NLRC5: variants seen among roughly 807,000 people sequenced by gnomAD.
The protein encoded by NLRC5 is protein NLRC5.
NLRC5 carries 114 observed loss-of-function variants against 206.9 expected under a neutral mutation model. That is an observed-to-expected ratio of 0.55 (90% confidence interval 0.47 to 0.64). The LOEUF (loss-of-function observed/expected upper bound fraction) is 0.64, where lower values mean the gene tolerates loss of function less well. Ranked by LOEUF, NLRC5 falls within the 30% of genes least tolerant of loss-of-function variation. The probability of loss-of-function intolerance (pLI) is 0.00; values close to 1 mark genes in which losing one functional copy is unlikely to be tolerated. For synonymous variants in NLRC5, 952 were observed against 962.8 expected (o/e 0.99, Z 0.21); for missense variants, 2,008 against 2,305.5 (o/e 0.87, Z 2.64).
Position 57,081,134 on chromosome 16 carries a change from C to T in NLRC5, c.5358C>T (p.Ala1786=), listed in dbSNP as rs199774613. Reference sequence around the variant, plus strand: ...ATCTCCTCGGGGATGAGGCAGCTGCCGAGCTGGCCCAGGTGCTGCCGCAGA... The same window carrying T: ...ATCTCCTCGGGGATGAGGCAGCTGCTGAGCTGGCCCAGGTGCTGCCGCAGA... ...SWNLLGDEAA[A]ELAQVLPQMG... is the part of the protein sequence containing the mutation. The change falls in exon 47 of 49, where the codon GCC becomes GCT. Residue 1786 remains alanine (A), a synonymous_variant. Coordinates refer to ENST00000688547, the MANE Select transcript of NLRC5 (RefSeq NM_001384950.1). 37 of 1,545,818 alleles carry T rather than the reference C, an allele frequency of 2.4e-5. No homozygotes were observed. The highest frequency in any genetic ancestry group is 6.8e-5 in the African/African-American group (5 of 73,184).
intron 1 of NLRC5, among the ~76,000 whole-genome samples, chr16:56,999,694 A>G (rs1480949583): frequency 6.6e-6 from 1 of 152,278 alleles, no homozygotes; most frequent in East Asian, 1.9e-4. Flanking sequence ...GGAAGGGGAT[A>G]AAGCTGAGTG....
intron 36 of NLRC5, 53 bp downstream of exon 36, chr16:57,067,881 A>AC: frequency 7.3e-7 from 1 of 1,373,782 alleles, no homozygotes; most frequent in Non-Finnish European, 1.0e-6. Flanking sequence ...CCCTGCCCTG[A>AC]CACCTCCCGT....
Position 57,025,499 on chromosome 16 carries a change from G to A in NLRC5, c.556G>A (p.Ala186Thr). ...YVPPILRRAT[A>T]SLDTPEGAIM... ...CCCTCCAATCCTGCGCCGGGCCACA[G>A]CATCCTTAGACACTCCGGAGGGGGC... is the stretch of plus-strand genomic sequence containing the variant. Residue 186 changes from alanine (A) to threonine (T), a missense_variant, in exon 6 of 49, where the codon GCA becomes ACA. Ala to Thr is a moderately conservative substitution (Grantham distance 58). Transcript: ENST00000688547. The A allele has an allele frequency of 1.2e-6, 2 of 1,613,510 alleles. No homozygotes were observed. Among genetic ancestry groups the A allele is most frequent in the East Asian group, 2.2e-5 (1 of 44,866 alleles).
Position 57,025,762 on chromosome 16 carries a change from G to A in NLRC5, c.819G>A (p.Pro273=), listed in dbSNP as rs145752799. Residue 273 remains proline (P), a synonymous_variant, in exon 6 of 49, where the codon CCG becomes CCA. Transcript: ENST00000688547. The stretch of plus-strand genomic sequence containing the variant: ...ACTTGATCACGAGGTTCCTGACACC[G>A]TCCGAGCTCCTTTTTGATCTGTACC... ...QLNLITRFLT[P]SELLFDLYLS... 270 of 1,614,068 alleles carry A rather than the reference G, an allele frequency of 1.7e-4. No individual in the cohort carries two copies. Among genetic ancestry groups the A allele is most frequent in the Non-Finnish European group, 2.0e-4 (240 of 1,180,042 alleles).
intron 29 of NLRC5, 193 bp from the exon 30 acceptor site, chr16:57,059,274 A>G (rs2066093050): frequency 6.8e-7 from 1 of 1,464,170 alleles, no homozygotes; most frequent in Non-Finnish European, 9.0e-7. Context: ...CATGGAGGCC[A>G]TGGGGTGGGA....
In NLRC5 at chr16:57,029,785, C is replaced by T. The variant is rs2061604069; in HGVS notation, c.2256C>T (p.Asn752=). The T allele has an allele frequency of 1.9e-6, 3 of 1,614,030 alleles. No individual in the cohort carries two copies. The highest frequency in any genetic ancestry group is 2.5e-6 in the Non-Finnish European group (3 of 1,180,022). Residue 752 remains asparagine, a synonymous_variant, in exon 9 of 49, where the codon AAC becomes AAT. Transcript: ENST00000688547. ...GGTCTCCTCGCAGTTTTCGGGACAA[C>T]CAGCTCAGTGACCAGGTGGTGCTGA... ...PQLKEVSFRD[N]QLSDQVVLNI...
At chr16:57,002,643 TTG>T (rs1340694618) in intron 1 of NLRC5, among the ~76,000 whole-genome samples, 15 of 103,520 alleles carry the variant, frequency 1.4e-4, no homozygotes, top group Middle Eastern at 6.3e-3. Context: ...TAGTTTTTTT[TTG>T]TTTTTTTTTT....
intron 1 of NLRC5, chr16:57,013,969 C>G: frequency 2.4e-6 from 1 of 424,114 alleles, no homozygotes; most frequent in Admixed American, 3.2e-5. Flanking sequence ...GTACTAAATC[C>G]CTTAAGGGAA....
At chr16:57,034,064 C>A (rs996412602) in intron 12 of NLRC5, 104 bp from the exon 13 acceptor site, 3 of 886,498 alleles carry the variant, frequency 3.4e-6, no homozygotes, top group Non-Finnish European at 1.8e-6. Flanking sequence ...TAGGATTAGA[C>A]CCAGGTCTGT....
chr16:57,050,554 CG>C, intron 23 of NLRC5, among the ~76,000 whole-genome samples: 1 of 152,128 alleles, frequency 6.6e-6, no homozygotes. Flanking sequence ...TAGAGGTCTG[CG>C]GGGGTTGGGA....
intron 43 of NLRC5, 60 bp downstream of exon 43, chr16:57,078,080 G>T (rs1170546909): frequency 1.5e-6 from 2 of 1,351,758 alleles, no homozygotes. Context: ...CTCGGGAGCA[G>T]TGGGGGGGTC....
At chr16:57,045,079 C>T (rs2143879806) in intron 20 of NLRC5, among the ~76,000 whole-genome samples, 1 of 151,912 alleles carries the variant, frequency 6.6e-6, no homozygotes, top group South Asian at 2.1e-4. Flanking sequence ...GTGGGGCGTT[C>T]CTGTAGTCCC....
rs371324035 is a variant in NLRC5 at position 57,020,112 on chromosome 16, G to C, written c.-12-589G>C. On this transcript the variant is annotated intron_variant, in intron 2 of 48. Coordinates refer to ENST00000688547, the MANE Select transcript of NLRC5 (RefSeq NM_001384950.1). ...CCTGCCTATTTTATGTCGCTCAAAT[G>C]TAGGGACTGGTTCTTGACTGCTTGA... 3.3e-4 allele frequency among the ~76,000 whole-genome samples: 50 copies of C among 152,108 alleles called. 1 individual carries two copies. The highest frequency in any genetic ancestry group is 1.2e-3 in the African/African-American group (49 of 41,458).
chr16:56,995,227 C>T (rs1164611709), intron 1 of NLRC5, among the ~76,000 whole-genome samples: 1 of 152,158 alleles, frequency 6.6e-6, no homozygotes, highest in Non-Finnish European at 1.5e-5. Flanking sequence ...TAGAGGAGTG[C>T]CCACCCACCT....
At chr16:57,073,566 T>C (rs1329496840) in intron 38 of NLRC5, among the ~76,000 whole-genome samples, 1 of 152,154 alleles carries the variant, frequency 6.6e-6, no homozygotes, top group East Asian at 1.9e-4. Context: ...ACCAAGACAG[T>C]TGACCATCTT....
chr16:57,062,274 C>T (rs1179148607), intron 32 of NLRC5: 1 of 408,862 alleles, frequency 2.4e-6, no homozygotes, highest in Non-Finnish European at 4.7e-6. Context: ...CATCAGGACA[C>T]CTAAGAAACT....
intron 46 of NLRC5, among the ~76,000 whole-genome samples, chr16:57,080,481 A>ATTTTTTTTTTTTTTTTTTTTTTTTTTTT (rs34595999): frequency 9.0e-6 from 1 of 111,174 alleles, no homozygotes; most frequent in Admixed American, 1.1e-4. Flanking sequence ...TCCTTTCAAG[A>ATTTTTTTTTTTTTTTTTTTTTTTTTTTT]TTTTTTTTTT....
chr16:57,033,605 G>T lies in NLRC5; in HGVS notation c.2479G>T (p.Ala827Ser). 1 of 1,614,096 alleles carries T rather than the reference G, an allele frequency of 6.2e-7. No homozygotes were observed. The highest frequency in any genetic ancestry group is 2.2e-5 in the East Asian group (1 of 44,876). ...PTETTAELQR[A>S]PDLQESDGQR... is the part of the protein sequence containing the mutation. ...CAATGCTTGATTTGTTCTTGCCAGA[G>T]CTCCAGACCTGCAGGAAAGTGACGG... Residue 827 changes from alanine to serine, a missense_variant and splice_region_variant, in exon 12 of 49, where the codon GCT becomes TCT. Coordinates refer to ENST00000688547, the MANE Select transcript of NLRC5 (RefSeq NM_001384950.1).
chr16:57,067,888 C>T, intron 36 of NLRC5, 60 bp downstream of exon 36: 3 of 1,296,520 alleles, frequency 2.3e-6, no homozygotes, highest in Non-Finnish European at 2.2e-6. Context: ...CTGACACCTC[C>T]CGTTATTCCC....
Sources: allele counts gnomAD v4.1 joint callset (sites outside exome capture counted in the v4.1 genomes callset), GRCh38; gene constraint gnomAD v4.1.1; transcripts MANE v1.5; gene names NCBI Gene and HGNC (gene_info 2026-07-23, HGNC 2026-07-21).